PBXIP1: variants seen among roughly 807,000 people sequenced by gnomAD.
The protein encoded by PBXIP1 is pre-B-cell leukemia transcription factor-interacting protein 1.
A neutral mutation model predicts 73.7 loss-of-function variants in PBXIP1; 73 were observed. The observed-to-expected ratio is 0.99, with a 90% CI of 0.82 to 1.20. The LOEUF (loss-of-function observed/expected upper bound fraction) is 1.20. Ranked by LOEUF, PBXIP1 falls within the 50% of genes most tolerant of loss-of-function variation. The pLI, the probability that PBXIP1 is intolerant of heterozygous loss-of-function variation, is 0.00. For missense variants in PBXIP1, 818 were observed against 911.4 expected, an observed-to-expected ratio of 0.90 and a Z score of 1.32; for synonymous variants, 330 against 366.9, an observed-to-expected ratio of 0.90 and a Z score of 1.15.
chr1:154,949,687 C>T (rs1424022068), intron 5 of PBXIP1, among the ~76,000 whole-genome samples: 5 of 152,116 alleles, frequency 3.3e-5, no homozygotes, highest in African/African-American at 1.2e-4. Context: ...AGGCAGACCA[C>T]ACCAATCAAT....
chr1:154,950,013 T>TTTTA (rs1179054055), intron 5 of PBXIP1, among the ~76,000 whole-genome samples: 2 of 151,590 alleles, frequency 1.3e-5, no homozygotes, highest in African/African-American at 2.4e-5. Flanking sequence ...TTTTATTTTA[T>TTTTA]TTTATTTATT....
At chr1:154,952,615 A>C (rs1571402007) in intron 2 of PBXIP1, among the ~76,000 whole-genome samples, 1 of 152,238 alleles carries the variant, frequency 6.6e-6, no homozygotes, top group South Asian at 2.1e-4. Context: ...GCTTCACCTT[A>C]GTTATGTCTT....
chr1:154,945,384 G>C (rs1654767347), intron 10 of PBXIP1, among the ~76,000 whole-genome samples, 188 bp downstream of exon 10: 2 of 152,180 alleles, frequency 1.3e-5, no homozygotes, highest in Admixed American at 1.3e-4. Flanking sequence ...GACTGCTCAG[G>C]ACCACTCTGG....
intron 2 of PBXIP1, among the ~76,000 whole-genome samples, chr1:154,952,678 C>G (rs1655047885): frequency 6.6e-6 from 1 of 152,196 alleles, no homozygotes; most frequent in Non-Finnish European, 1.5e-5. Flanking sequence ...AGGCAAAAAT[C>G]ATGACGCCCG....
intron 9 of PBXIP1, chr1:154,947,140 C>G: frequency 1.7e-6 from 1 of 600,700 alleles, no homozygotes; most frequent in African/African-American, 1.9e-5. Context: ...TTCTTTAAAT[C>G]CTTTTCCACA....
At chr1:154,954,976 C>T in intron 1 of PBXIP1, 3 of 984,706 alleles carry the variant, frequency 3.0e-6, no homozygotes, top group Non-Finnish European at 2.4e-6. Context: ...ACCACATTAT[C>T]CCCTTCTGTT....
In PBXIP1 at chr1:154,945,653, T is replaced by G. The variant is rs576248332; in HGVS notation, c.2021A>C (p.Gln674Pro). Residue 674 changes from glutamine to proline, a missense_variant, in exon 10 of 11, where the codon CAG (glutamine) becomes CCG (proline). Gln to Pro is a moderately conservative substitution (Grantham distance 76). Coordinates refer to ENST00000368463, the MANE Select transcript of PBXIP1 (RefSeq NM_020524.4). ...ATCTACTTCATCATCATCACCTGTC[T>G]GTTGCACAGCCACCTCCTCCAAGCT... is the stretch of plus-strand genomic sequence containing the variant. ...EDSLEEVAVQ[Q>P]TGDDDEVDDF... 6.8e-6 allele frequency: 11 copies of G among 1,614,206 alleles called. No homozygotes were observed. The highest frequency in any genetic ancestry group is 7.6e-6 in the Non-Finnish European group (9 of 1,180,004).
intron 1 of PBXIP1, 50 bp from the exon 2 acceptor site, chr1:154,953,807 G>T: frequency 1.6e-6 from 2 of 1,229,126 alleles, no homozygotes; most frequent in Non-Finnish European, 2.3e-6. Context: ...AGGAGGGGCA[G>T]AATGCAGAAA....
At position 154,951,128 on chromosome 1, in the gene PBXIP1, C is replaced by A; in HGVS notation, c.409+104G>T. 9.4e-7 allele frequency: 1 copy of A among 1,064,764 alleles called. No individual in the cohort carries two copies. Among genetic ancestry groups the A allele is most frequent in the South Asian group, 1.5e-5 (1 of 68,408 alleles). 66.0% of individuals were successfully genotyped at this position (1,064,764 alleles called of 1,614,324 possible). A position where few individuals can be genotyped will look rare whatever the true frequency, so the allele number is the denominator to read the frequency against. On this transcript the variant is annotated intron_variant, in intron 5 of 10. Transcript: ENST00000368463. The surrounding 1 kb of genome is among the most constrained non-coding windows in gnomAD (Gnocchi z 4.3). The stretch of plus-strand genomic sequence containing the variant: ...TGAGAAAGGAGAGCACCAAGCTGCT[C>A]AGCCCTAGGGCCTGGACCACAGCAT...
rs1654743031 is a variant in PBXIP1, at chr1:154,944,761, T to A, written c.*263A>T. 4.6e-6 allele frequency: 2 copies of A among 432,350 alleles called. No individual in the cohort carries two copies. The highest frequency in any genetic ancestry group is 3.7e-5 in the Admixed American group (1 of 26,812). 26.8% of individuals were successfully genotyped at this position (432,350 alleles called of 1,614,324 possible). A position where few individuals can be genotyped will look rare whatever the true frequency, so the allele number is the denominator to read the frequency against. On this transcript the variant is annotated 3_prime_UTR_variant, in exon 11 of 11. Transcript: ENST00000368463. ...CCCCAAAACAGGCTCCTCTCCCATC[T>A]CCCCCTTCACAGTGACAAAACACAA...
intron 6 of PBXIP1, 43 bp from the exon 7 acceptor site, chr1:154,948,048 G>A: frequency 2.5e-6 from 4 of 1,603,620 alleles, no homozygotes; most frequent in Non-Finnish European, 3.4e-6. Flanking sequence ...CCTCGGGGAG[G>A]GGTGATGTGA....
intron 9 of PBXIP1, chr1:154,947,213 T>C (rs916034725): frequency 1.6e-6 from 1 of 632,656 alleles, no homozygotes; most frequent in Non-Finnish European, 2.9e-6. Context: ...TCATGTACCA[T>C]GTGGAACAGG....
intron 5 of PBXIP1, 142 bp from the exon 6 acceptor site, chr1:154,948,508 T>G (rs1654910032): frequency 1.6e-6 from 1 of 613,972 alleles, no homozygotes; most frequent in Non-Finnish European, 2.8e-6. Context: ...CCTTGCCCAC[T>G]TGCCCACTTC....
At chr1:154,954,805 C>A (rs1655124759) in intron 1 of PBXIP1, 1 of 193,962 alleles carries the variant, frequency 5.2e-6, no homozygotes, top group Non-Finnish European at 9.4e-6. Flanking sequence ...CCTGTTGGGA[C>A]CAGGCATAAA....
rs1655006023 is a variant in PBXIP1 at position 154,951,565 on chromosome 1, C to T, written c.179-30G>A. On this transcript the variant is annotated intron_variant, in intron 3 of 10. Coordinates refer to ENST00000368463, the MANE Select transcript of PBXIP1 (RefSeq NM_020524.4). The surrounding 1 kb of genome is among the most constrained non-coding windows in gnomAD (Gnocchi z 4.3). ...GGTAGGAGAAAAGGCGCAGAAAAAC[C>T]CACTGCCCCAGCTGAATTTCCTTTG... 1 of 1,603,388 alleles carries T rather than the reference C, an allele frequency of 6.2e-7. No individual in the cohort carries two copies. Among genetic ancestry groups the T allele is most frequent in the African/African-American group, 1.3e-5 (1 of 74,394 alleles).
At position 154,946,411 on chromosome 1, in the gene PBXIP1, G is replaced by A. The variant is rs781389367; in HGVS notation, c.1263C>T (p.Arg421=). ...CCAAGCCAGCATGAGCTGGGTCCCC[G>A]CGGCTGGCATCCTGCAAGCTCCTCT... ...DLERSLQDAS[R]GDPAHAGLAE... Residue 421 remains arginine (R), a synonymous_variant, in exon 10 of 11, where the codon CGC becomes CGT. Coordinates refer to ENST00000368463, the MANE Select transcript of PBXIP1 (RefSeq NM_020524.4). 80 of 1,611,196 alleles carry A rather than the reference G, an allele frequency of 5.0e-5. No individual in the cohort carries two copies. The South Asian group carries it at 6.8e-4, about 14-fold the overall frequency.
Position 154,946,730 on chromosome 1 carries a change from C to T in PBXIP1, c.944G>A (p.Gly315Glu). 1 of 1,605,256 alleles carries T rather than the reference C, an allele frequency of 6.2e-7. No individual in the cohort carries two copies. ...GAAGGCTTCGCCCTGCTGCAGAGCC[C>T]CCCGGAGCTGGGCATTCTCCTCCTC... The part of the protein sequence containing the change: ...GLEEENAQLR[G>E]ALQQGEAFQR... Residue 315 changes from glycine (G) to glutamate (E), a missense_variant, in exon 10 of 11, where the codon GGG becomes GAG. Physicochemically the swap from Gly to Glu is moderately conservative, Grantham distance 98. Transcript: ENST00000368463.
chr1:154,951,199 G>T lies in PBXIP1; in HGVS notation c.409+33C>A, dbSNP rs536506630. On this transcript the variant is annotated intron_variant, in intron 5 of 10. Transcript: ENST00000368463. This position sits in a 1 kb window ranked among gnomAD's most constrained non-coding sequence, Gnocchi z 4.3. ...ATCCCTCTCCCATACCTTCTAGAAG[G>T]AGAGTGACAGGAGAGGCAAGGAAGA... The T allele has an allele frequency of 1.3e-6, 2 of 1,599,992 alleles. No individual in the cohort carries two copies. Among genetic ancestry groups the T allele is most frequent in the South Asian group, 1.1e-5 (1 of 90,708 alleles).
Position 154,946,666 on chromosome 1 carries a change from G to C in PBXIP1, c.1008C>G (p.Ala336=). ...AGTCGGCCTCCAGCCCCTGGAGCCG[G>C]GCCCGCAGCTGCTGCAGCTCTGACT... ...ALESELQQLR[A]RLQGLEADCV... is the part of the protein sequence containing the mutation. Residue 336 remains alanine (A), a synonymous_variant, in exon 10 of 11, where the codon GCC becomes GCG. Transcript: ENST00000368463. 6.2e-7 allele frequency: 1 copy of C among 1,612,784 alleles called. No individual in the cohort carries two copies. Among genetic ancestry groups the C allele is most frequent in the Non-Finnish European group, 8.5e-7 (1 of 1,179,108 alleles).
Sources: allele counts gnomAD v4.1 joint callset (sites outside exome capture counted in the v4.1 genomes callset), GRCh38; gene constraint gnomAD v4.1.1; non-coding constraint Gnocchi (gnomAD v3.1); transcripts MANE v1.5; gene names NCBI Gene and HGNC (gene_info 2026-07-23, HGNC 2026-07-21).